ERICH1: variants seen among roughly 807,000 people sequenced by gnomAD.
ERICH1 encodes glutamate rich 1.
ERICH1 carries 56 observed loss-of-function variants against 39.6 expected under a neutral mutation model. The observed-to-expected ratio is 1.41, with a 90% CI of 1.14 to 1.77. The LOEUF (loss-of-function observed/expected upper bound fraction) is 1.77, where lower values mean the gene tolerates loss of function less well. Ranked by LOEUF, ERICH1 falls within the 40% of genes most tolerant of loss-of-function variation. ERICH1 has a pLI of 0.00. For missense variants in ERICH1, 826 were observed against 575.4 expected (o/e 1.44, Z -4.45); for synonymous variants, 313 against 223.6 (o/e 1.40, Z -3.57).
rs530570155 is a variant in ERICH1 at position 708,688 on chromosome 8, T to TTTTGTTTTTTTG, written c.169+7172_169+7173insCAAAAAAACAAA. Among the ~76,000 whole-genome samples the TTTTGTTTTTTTG allele has an allele frequency of 4.1e-4, 13 of 31,800 alleles. 1 individual carries two copies. Among genetic ancestry groups the TTTTGTTTTTTTG allele is most frequent in the Middle Eastern group, 0.031 (1 of 32 alleles). The allele number at this position is 31,800 out of a possible 152,430, so 20.9% of individuals were successfully genotyped here. On this transcript the variant is annotated intron_variant, in intron 2 of 5. Transcript: ENST00000262109. Reference sequence around the variant, plus strand: ...GTGGTTACGGGATAATGAGTTTTTTTTTTTTTTTTTTTTTTTTTTTTTTGA... The same window carrying TTTTGTTTTTTTG: ...GTGGTTACGGGATAATGAGTTTTTTTTTTGTTTTTTTGTTTTTTTTTTTTTTTTTTTTTTTGA...
chr8:637,018 C>T (rs553548557), intron 3 of ERICH1, among the ~76,000 whole-genome samples: 3 of 152,326 alleles, frequency 2.0e-5, no homozygotes, highest in African/African-American at 7.2e-5. Context: ...GCAAACGCAC[C>T]GAAGGCGTCC....
intron 3 of ERICH1, among the ~76,000 whole-genome samples, chr8:648,502 C>CA (rs531723403): frequency 0.013 from 182 of 13,746 alleles, 30 homozygotes; most frequent in Middle Eastern, 0.062. Context: ...AAAGAAAAAG[C>CA]AAAAAAAAAA....
rs551004730 is a variant in ERICH1, at chr8:619,927, T to C, written c.977-4643A>G. Among the ~76,000 whole-genome samples the C allele has an allele frequency of 4.6e-5, 7 of 152,282 alleles. No homozygotes were observed. The South Asian group carries it at 1.2e-3, about 27-fold the overall frequency. On this transcript the variant is annotated intron_variant, in intron 3 of 3. Coordinates refer to the ERICH1 transcript ENST00000522706. ...GAAAATAAACAATACAGTAAAAATG[T>C]CATTTAAGGAATAAAAAATATTACA...
rs1563295682 is a variant in ERICH1, at chr8:699,820, A to ACAGACCCGCACAG, written c.170-7209_170-7208insCTGTGCGGGTCTG. The stretch of plus-strand genomic sequence containing the variant: ...CCGCACACGCGCACAGATCCGCACA[A>ACAGACCCGCACAG]GCGCACAGACCCGCACAGGCGCACA... On this transcript the variant is annotated intron_variant, in intron 2 of 5. Transcript: ENST00000262109. Among the ~76,000 whole-genome samples, 37 of 58,984 alleles carry ACAGACCCGCACAG rather than the reference A, an allele frequency of 6.3e-4. 2 individuals carry two copies. The highest frequency in any genetic ancestry group is 1.1e-3 in the Non-Finnish European group (33 of 30,888). 38.7% of individuals were successfully genotyped at this position (58,984 alleles called of 152,430 possible). A position where few individuals can be genotyped will look rare whatever the true frequency, so the allele number is the denominator to read the frequency against.
intron 3 of ERICH1, among the ~76,000 whole-genome samples, chr8:622,015 G>C (rs1797314493): frequency 6.6e-6 from 1 of 152,140 alleles, no homozygotes; most frequent in Non-Finnish European, 1.5e-5. Context: ...AGTAGTTTGA[G>C]ACCAGCCTGG....
At chr8:633,141 G>C (rs1167867821) in intron 3 of ERICH1, among the ~76,000 whole-genome samples, 1 of 151,368 alleles carries the variant, frequency 6.6e-6, no homozygotes, top group African/African-American at 2.4e-5. Context: ...GCCCAGGACA[G>C]ACGGAAACCA....
At chr8:694,010 G>A (rs1198288516) in intron 2 of ERICH1, among the ~76,000 whole-genome samples, 1 of 152,208 alleles carries the variant, frequency 6.6e-6, no homozygotes, top group African/African-American at 2.4e-5. Context: ...TGCAGAATAT[G>A]GCAGTGATGC....
downstream of ERICH1, among the ~76,000 whole-genome samples, chr8:663,882 C>G (rs190749282): frequency 1.6e-3 from 244 of 152,204 alleles, 1 homozygote; most frequent in African/African-American, 5.1e-3. Context: ...GCCTCAGCCT[C>G]CAGAGTAGCT....
At chr8:726,965 GCACACACGTACACATACACATA>G (rs1016381374) in intron 1 of ERICH1, among the ~76,000 whole-genome samples, 7 of 125,850 alleles carry the variant, frequency 5.6e-5, no homozygotes, top group African/African-American at 3.2e-4. Context: ...ACATACACAT[GCACACACGTACACATACACATA>G]CACACACGCA....
intron 2 of ERICH1, among the ~76,000 whole-genome samples, chr8:712,073 T>C (rs1814861704): frequency 6.6e-6 from 1 of 152,250 alleles, no homozygotes. Flanking sequence ...CTTGAAGTCA[T>C]GTAATGCCAG....
At chr8:685,000 C>A (rs1452264199) in intron 3 of ERICH1, among the ~76,000 whole-genome samples, 4 of 152,208 alleles carry the variant, frequency 2.6e-5, no homozygotes, top group Non-Finnish European at 5.9e-5. Flanking sequence ...TCATTGATAA[C>A]AGGGTTCAAG....
intron 4 of ERICH1, among the ~76,000 whole-genome samples, chr8:672,649 C>T (rs1803697149): frequency 6.6e-6 from 1 of 152,190 alleles, no homozygotes; most frequent in African/African-American, 2.4e-5. Context: ...GTGAGTATCT[C>T]TGTTCTGGGG....
At chr8:702,847 C>T (rs2167545) in intron 2 of ERICH1, among the ~76,000 whole-genome samples, 70,992 of 152,140 alleles carry the variant, frequency 0.47, 17,165 homozygotes, top group Non-Finnish European at 0.53. Flanking sequence ...AGCTGGATGC[C>T]CCGGGAACCA....
chr8:707,226 TAGA>T (rs1563315985), intron 2 of ERICH1, among the ~76,000 whole-genome samples: 2 of 146,442 alleles, frequency 1.4e-5, no homozygotes, highest in African/African-American at 5.0e-5. Context: ...TTTTTTTTTT[TAGA>T]CAGAGTATCA....
At chr8:699,325 G>C (rs923769437) in intron 2 of ERICH1, among the ~76,000 whole-genome samples, 1 of 152,180 alleles carries the variant, frequency 6.6e-6, no homozygotes, top group Non-Finnish European at 1.5e-5. Flanking sequence ...GGACAGAAGA[G>C]TGGACGCCAC....
chr8:638,805 G>C (rs1253732510), intron 3 of ERICH1, among the ~76,000 whole-genome samples: 1 of 152,020 alleles, frequency 6.6e-6, no homozygotes, highest in African/African-American at 2.4e-5. Context: ...GACTCATTTT[G>C]ACCCCGGCCT....
chr8:723,141 G>A (rs73521202), intron 1 of ERICH1, among the ~76,000 whole-genome samples: 5,209 of 152,206 alleles, frequency 0.034, 299 homozygotes, highest in African/African-American at 0.12. Context: ...ACCTTCTCCC[G>A]CTCTCCCTCC....
intron 2 of ERICH1, among the ~76,000 whole-genome samples, chr8:709,884 A>C (rs375013331): frequency 1.6e-4 from 25 of 152,352 alleles, no homozygotes; most frequent in African/African-American, 5.1e-4. Flanking sequence ...TCCTACCACC[A>C]GATATGTTAC....
chr8:694,348 T>C (rs563719757), intron 2 of ERICH1, among the ~76,000 whole-genome samples: 76 of 152,372 alleles, frequency 5.0e-4, no homozygotes, highest in Admixed American at 1.9e-3. Flanking sequence ...CAACATTTGA[T>C]CATTTTTCAC....
Sources: gnomAD v4.1 joint callset for allele counts (sites outside exome capture counted in the v4.1 genomes callset) on GRCh38, gnomAD v4.1.1 for gene constraint, MANE v1.5 for transcripts, NCBI Gene and HGNC (gene_info 2026-07-23, HGNC 2026-07-21) for gene names.